Variants in GNPDA2 observed in about 807,000 individuals in gnomAD.
The protein encoded by GNPDA2 is glucosamine-6-phosphate deaminase 2.
Under a neutral mutation model 27.0 loss-of-function variants are expected in GNPDA2, and 24 were observed. That is an observed-to-expected ratio of 0.89 (90% CI 0.64 to 1.25). The LOEUF is 1.25. Ranked by LOEUF, GNPDA2 falls within the 50% of genes most tolerant of loss-of-function variation. GNPDA2 has a pLI of 0.00. For synonymous variants in GNPDA2, 94 were observed against 108.4 expected, an observed-to-expected ratio of 0.87 and a Z score of 0.83; for missense variants, 286 against 335.1, an observed-to-expected ratio of 0.85 and a Z score of 1.14.
chr4:44,711,165 C>T lies in GNPDA2; in HGVS notation c.410-28G>A, dbSNP rs757656707. ...TTCAAAAGAAATATACATACATATA[C>T]ACATGAAGTAAATAGGTTTCACAAA... On this transcript the variant is annotated intron_variant, in intron 4 of 6. Coordinates refer to ENST00000295448, the MANE Select transcript of GNPDA2 (RefSeq NM_138335.3). 3 of 1,395,238 alleles carry T rather than the reference C, an allele frequency of 2.2e-6. No individual in the cohort carries two copies. In the East Asian group the frequency reaches 7.8e-5, roughly 36 times the overall value. 86.4% of individuals were successfully genotyped at this position (1,395,238 alleles called of 1,614,324 possible). A position where few individuals can be genotyped will look rare whatever the true frequency, so the allele number is the denominator to read the frequency against.
At chr4:44,714,970 T>C (rs1273850302) in intron 4 of GNPDA2, among the ~76,000 whole-genome samples, 1 of 152,144 alleles carries the variant, frequency 6.6e-6, no homozygotes, top group East Asian at 1.9e-4. Context: ...GGGAAACAAC[T>C]ACAGGAAGCT....
intron 6 of GNPDA2, chr4:44,703,349 G>T: frequency 7.4e-7 from 1 of 1,347,884 alleles, no homozygotes; most frequent in Admixed American, 3.6e-5. Context: ...TTATAATTAT[G>T]TAACAGTGCA....
Position 44,710,932 on chromosome 4 carries a change from CA to C in GNPDA2, c.594+20del. ...TATATTAACATGAAAAGAAAGACAG[CA>C]AAGAATATTTAATGCTTACTTCTCT... On this transcript the variant is annotated intron_variant, in intron 5 of 6. Transcript: ENST00000295448. The C allele has an allele frequency of 6.5e-7, 1 of 1,529,124 alleles. No homozygotes were observed. Among genetic ancestry groups the C allele is most frequent in the Non-Finnish European group, 8.8e-7 (1 of 1,137,610 alleles). The allele number at this position is 1,529,124 out of a possible 1,614,324, so 94.7% of individuals were successfully genotyped here. A position where few individuals can be genotyped will look rare whatever the true frequency, so the allele number is the denominator to read the frequency against.
intron 3 of GNPDA2, among the ~76,000 whole-genome samples, chr4:44,717,695 C>T (rs1717393705): frequency 6.6e-6 from 1 of 151,846 alleles, no homozygotes; most frequent in Admixed American, 6.6e-5. Context: ...ATTAAGTAGC[C>T]ATTCAAGTGA....
chr4:44,724,397 G>C (rs558310855), intron 1 of GNPDA2, among the ~76,000 whole-genome samples: 3 of 152,334 alleles, frequency 2.0e-5, no homozygotes, highest in Admixed American at 1.3e-4. Context: ...TAGATACCCA[G>C]TAGTGAGATT....
At position 44,703,849 on chromosome 4, in the gene GNPDA2, T is replaced by C. The variant is rs553953525; in HGVS notation, c.770-707A>G. 7.1e-6 allele frequency: 7 copies of C among 985,104 alleles called. No homozygotes were observed. In the South Asian group the frequency reaches 3.3e-4, roughly 46 times the overall value. The allele number at this position is 985,104 out of a possible 1,614,324, so 61.0% of individuals were successfully genotyped here. On this transcript the variant is annotated intron_variant, in intron 6 of 6. Transcript: ENST00000295448. ...CTCCTGTTTTAATGCCTCAGTACTA[T>C]ATTTCTTTGGGGAGAAAAAAGTTCT...
At chr4:44,703,386 G>A (rs1716393588) in intron 6 of GNPDA2, 2 of 1,222,174 alleles carry the variant, frequency 1.6e-6, no homozygotes, top group Non-Finnish European at 2.0e-6. Context: ...AGGTACTTTG[G>A]GAGTAACCAG....
At chr4:44,723,668 T>A (rs1376297899) in intron 1 of GNPDA2, among the ~76,000 whole-genome samples, 9 of 152,044 alleles carry the variant, frequency 5.9e-5, no homozygotes, top group Admixed American at 5.9e-4. Context: ...TTTGCTACTG[T>A]TGTTATTGGA....
intron 5 of GNPDA2, among the ~76,000 whole-genome samples, chr4:44,710,237 A>G (rs1171936460): frequency 6.6e-6 from 1 of 152,108 alleles, no homozygotes; most frequent in Non-Finnish European, 1.5e-5. Context: ...ATATAATTAT[A>G]TCAAGATAAG....
At chr4:44,726,435 C>T (rs1718031989) in intron 1 of GNPDA2, 39 bp downstream of exon 1, 1 of 152,328 alleles carries the variant, frequency 6.6e-6, no homozygotes, top group Non-Finnish European at 1.5e-5. Context: ...ACCCGAGTCC[C>T]CTTCTTGGCG....
intron 6 of GNPDA2, chr4:44,707,051 C>T (rs1240654983): frequency 2.0e-5 from 3 of 151,940 alleles, no homozygotes; most frequent in Admixed American, 6.6e-5. Flanking sequence ...ACTCTTAAAT[C>T]AGAGAATAGG....
At chr4:44,711,905 C>A (rs915996645) in intron 4 of GNPDA2, among the ~76,000 whole-genome samples, 6 of 151,110 alleles carry the variant, frequency 4.0e-5, no homozygotes, top group African/African-American at 1.5e-4. Flanking sequence ...TTACTAGGAA[C>A]CATACAAGCT....
intron 6 of GNPDA2, chr4:44,706,693 C>A (rs1052441986): frequency 2.0e-5 from 3 of 151,738 alleles, no homozygotes; most frequent in African/African-American, 7.2e-5. Flanking sequence ...TGATCTGACA[C>A]CAGTTTTAAG....
intron 4 of GNPDA2, chr4:44,714,235 A>T: frequency 3.2e-6 from 3 of 924,840 alleles, no homozygotes; most frequent in Non-Finnish European, 3.9e-6. Context: ...TCAGCCTCCC[A>T]AAGTGCTGGG....
rs771947021 is a variant in GNPDA2, at chr4:44,722,120, C to T, written c.88G>A (p.Gly30Arg). ...CCCAGTGTAAAATATCTGTCCTGTC[C>T]AGGTTTGAACTGAATGATGCGATTA... is the stretch of plus-strand genomic sequence containing the variant. ...ICNRIIQFKP[G>R]QDRYFTLGLP... Residue 30 changes from glycine (G) to arginine (R), a missense_variant, in exon 2 of 7, where the codon GGA becomes AGA. Coordinates refer to ENST00000295448, the MANE Select transcript of GNPDA2 (RefSeq NM_138335.3). 6.2e-7 allele frequency: 1 copy of T among 1,613,058 alleles called. No homozygotes were observed. The highest frequency in any genetic ancestry group is 8.5e-7 in the Non-Finnish European group (1 of 1,179,382).
intron 6 of GNPDA2, 139 bp downstream of exon 6, chr4:44,707,613 T>G: frequency 1.6e-6 from 1 of 612,012 alleles, no homozygotes; most frequent in Non-Finnish European, 2.7e-6. Context: ...GTGAGAACTT[T>G]CCATTACTTG....
At chr4:44,721,418 G>A (rs889804002) in intron 2 of GNPDA2, among the ~76,000 whole-genome samples, 3 of 152,040 alleles carry the variant, frequency 2.0e-5, no homozygotes, top group Non-Finnish European at 4.4e-5. Flanking sequence ...AGTCAATAAG[G>A]AGCAACTTTA....
intron 6 of GNPDA2, 100 bp from the exon 7 acceptor site, chr4:44,703,242 G>A: frequency 6.8e-7 from 1 of 1,464,544 alleles, no homozygotes. Flanking sequence ...CAGTAAGCCT[G>A]TTTAGTTCCC....
At chr4:44,703,194 T>C in intron 6 of GNPDA2, 52 bp from the exon 7 acceptor site, 1 of 1,574,546 alleles carries the variant, frequency 6.4e-7, no homozygotes, top group South Asian at 1.2e-5. Context: ...TTGAACTATC[T>C]CATTTACTTT....
Sources: allele counts gnomAD v4.1 joint callset (sites outside exome capture counted in the v4.1 genomes callset), GRCh38; gene constraint gnomAD v4.1.1; transcripts MANE v1.5; gene names NCBI Gene and HGNC (gene_info 2026-07-23, HGNC 2026-07-21).